The following ADAMTSL1 variants were observed in gnomAD, a reference collection of about 807,000 sequenced individuals.
The protein encoded by ADAMTSL1 is ADAMTS-like protein 1.
In ADAMTSL1, 126 loss-of-function variants were observed where a neutral mutation model predicts 201.8. That is an observed-to-expected ratio of 0.62 (90% CI 0.54 to 0.72). The LOEUF is 0.72. Ranked by LOEUF, ADAMTSL1 falls within the 30% of genes least tolerant of loss-of-function variation. The pLI is 0.00. For missense variants in ADAMTSL1, 2,679 were observed against 2,277.8 expected (o/e 1.18, Z -3.59); for synonymous variants, 1,121 against 903.4 (o/e 1.24, Z -4.32).
At chr9:18,754,477 C>T (rs556886072) in intron 16 of ADAMTSL1, among the ~76,000 whole-genome samples, 84 of 152,300 alleles carry the variant, frequency 5.5e-4, no homozygotes, top group Non-Finnish European at 8.5e-4. Flanking sequence ...AGGAGACATA[C>T]ATCTCTGTTT....
At position 18,183,843 on chromosome 9, in the gene ADAMTSL1, G is replaced by T. The variant is rs759803400; in HGVS notation, c.207+19862G>T. 7.5e-4 allele frequency among the ~76,000 whole-genome samples: 114 copies of T among 152,204 alleles called. 2 individuals carry two copies. Among genetic ancestry groups the T allele is most frequent in the Admixed American group, 2.9e-3 (44 of 15,284 alleles). On this transcript the variant is annotated intron_variant, in intron 2 of 29. Transcript: ENST00000680146. The stretch of plus-strand genomic sequence containing the variant: ...AATTACAGCTTGAAGATTCTTGTAT[G>T]GATAACTTTTCTATTATTTTGAATT...
At chr9:18,206,808 A>G (rs1467328403) in intron 2 of ADAMTSL1, among the ~76,000 whole-genome samples, 1 of 152,146 alleles carries the variant, frequency 6.6e-6, no homozygotes, top group African/African-American at 2.4e-5. Flanking sequence ...TAAATTATCT[A>G]GAAATCTCTT....
intron 17 of ADAMTSL1, among the ~76,000 whole-genome samples, chr9:18,773,827 C>A (rs148489275): frequency 4.6e-5 from 7 of 152,310 alleles, no homozygotes; most frequent in African/African-American, 1.7e-4. Flanking sequence ...TTTAAATTTT[C>A]AGGCTTCTTA....
At chr9:18,629,820 A>C (rs776790) in intron 5 of ADAMTSL1, among the ~76,000 whole-genome samples, 79,254 of 151,548 alleles carry the variant, frequency 0.52, 21,078 homozygotes, top group East Asian at 0.66. Flanking sequence ...GAATATATTT[A>C]TTCTTTAAAT....
intron 23 of ADAMTSL1, among the ~76,000 whole-genome samples, chr9:18,882,711 G>C (rs1349794008): frequency 6.6e-6 from 1 of 152,210 alleles, no homozygotes; most frequent in Non-Finnish European, 1.5e-5. Flanking sequence ...AGGTGATACA[G>C]GGCCAGGCAA....
At chr9:17,972,451 A>G (rs550801421) in intron 1 of ADAMTSL1, among the ~76,000 whole-genome samples, 6 of 151,452 alleles carry the variant, frequency 4.0e-5, no homozygotes, top group South Asian at 2.1e-4. Flanking sequence ...GCTGAGAATG[A>G]TGGTTTCCAG....
At chr9:18,420,178 A>C (rs77571436) in intron 2 of ADAMTSL1, among the ~76,000 whole-genome samples, 12,618 of 152,268 alleles carry the variant, frequency 0.083, 701 homozygotes, top group Non-Finnish European at 0.13. Context: ...TTACTGTTGC[A>C]CCAACCTATA....
At chr9:18,388,121 A>G (rs968728576) in intron 2 of ADAMTSL1, among the ~76,000 whole-genome samples, 1 of 152,042 alleles carries the variant, frequency 6.6e-6, no homozygotes, top group African/African-American at 2.4e-5. Flanking sequence ...TAAATCCTAT[A>G]TTTTGAACCT....
chr9:18,002,931 C>A (rs933058534), intron 1 of ADAMTSL1, among the ~76,000 whole-genome samples: 3 of 152,192 alleles, frequency 2.0e-5, no homozygotes, highest in South Asian at 4.1e-4. Flanking sequence ...TACACTGTGA[C>A]TGCGGACCCA....
At chr9:18,175,029 T>A (rs1828076696) in intron 2 of ADAMTSL1, among the ~76,000 whole-genome samples, 1 of 152,146 alleles carries the variant, frequency 6.6e-6, no homozygotes. Flanking sequence ...AGAGAAAATA[T>A]CTGTATCTAT....
chr9:18,743,623 A>C (rs1818967995), intron 15 of ADAMTSL1, among the ~76,000 whole-genome samples: 1 of 152,206 alleles, frequency 6.6e-6, no homozygotes, highest in South Asian at 2.1e-4. Context: ...AAAACCTCAC[A>C]GCGTGCAGGC....
intron 1 of ADAMTSL1, among the ~76,000 whole-genome samples, chr9:17,954,635 T>C (rs1827859647): frequency 6.6e-6 from 1 of 152,194 alleles, no homozygotes; most frequent in Admixed American, 6.5e-5. Flanking sequence ...TGCTTGATTA[T>C]TTAATTGTTC....
intron 2 of ADAMTSL1, among the ~76,000 whole-genome samples, chr9:18,294,972 C>G (rs73428914): frequency 0.051 from 7,832 of 152,118 alleles, 678 homozygotes; most frequent in African/African-American, 0.18. Context: ...TTCTCCCTTC[C>G]TCTTATCAGT....
chr9:18,790,060 A>G (rs1434758660), intron 19 of ADAMTSL1, among the ~76,000 whole-genome samples: 1 of 152,186 alleles, frequency 6.6e-6, no homozygotes, highest in Non-Finnish European at 1.5e-5. Flanking sequence ...ACAACTAGAA[A>G]TTCCAAGAAG....
intron 2 of ADAMTSL1, among the ~76,000 whole-genome samples, chr9:18,362,505 G>T (rs1437727441): frequency 6.6e-6 from 1 of 152,170 alleles, no homozygotes; most frequent in Non-Finnish European, 1.5e-5. Context: ...ATATTGAATA[G>T]CTGAGTGTTC....
At chr9:18,822,818 A>T (rs1359709812) in intron 21 of ADAMTSL1, among the ~76,000 whole-genome samples, 4 of 152,200 alleles carry the variant, frequency 2.6e-5, no homozygotes, top group Non-Finnish European at 4.4e-5. Context: ...CACTCAGGAT[A>T]CGTTTGCATG....
intron 3 of ADAMTSL1, among the ~76,000 whole-genome samples, chr9:18,567,034 G>T (rs571543656): frequency 1.3e-4 from 20 of 152,142 alleles, no homozygotes; most frequent in Non-Finnish European, 2.8e-4. Context: ...GATCTTGTTT[G>T]AAATGCAAAT....
rs779054138 is a variant in ADAMTSL1, at chr9:18,905,799, C to T, written c.4869C>T (p.Ile1623=). The T allele has an allele frequency of 3.6e-5, 58 of 1,613,138 alleles. No individual in the cohort carries two copies. Among genetic ancestry groups the T allele is most frequent in the South Asian group, 1.7e-4 (15 of 90,732 alleles). Residue 1623 remains isoleucine (I), a synonymous_variant, in exon 27 of 29, where the codon ATC becomes ATT. Coordinates refer to ENST00000380548, the MANE Select transcript of ADAMTSL1 (RefSeq NM_001040272.6). ...SSWGQCNGPC[I]GPHLAVQHRQ... Reference sequence around the variant, plus strand: ...CTTTCCAGTGCAATGGGCCTTGCATCGGGCCTCACCTAGCTGTGCAACACA... The same window carrying T: ...CTTTCCAGTGCAATGGGCCTTGCATTGGGCCTCACCTAGCTGTGCAACACA...
chr9:18,404,560 C>T (rs888096817), intron 2 of ADAMTSL1, among the ~76,000 whole-genome samples: 13 of 152,324 alleles, frequency 8.5e-5, no homozygotes, highest in Middle Eastern at 3.4e-3. Context: ...ATGATGAATT[C>T]ACCCAGGCTT....
Sources: gnomAD v4.1 joint callset for allele counts (sites outside exome capture counted in the v4.1 genomes callset) on GRCh38, gnomAD v4.1.1 for gene constraint, MANE v1.5 for transcripts, NCBI Gene and HGNC (gene_info 2026-07-23, HGNC 2026-07-21) for gene names.